Variants in SRPK2 observed in about 807,000 individuals in gnomAD.
The protein encoded by SRPK2 is SRSF protein kinase 2.
SRPK2 carries 21 observed loss-of-function variants against 90.8 expected under a neutral mutation model. That is an observed-to-expected ratio of 0.23 (90% CI 0.16 to 0.33). The LOEUF (loss-of-function observed/expected upper bound fraction) is 0.33. SRPK2 is among the 10% of genes least tolerant of loss of function. SRPK2 has a pLI of 1.00. For missense variants in SRPK2, 620 were observed against 869.0 expected (o/e 0.71, Z 3.60); for synonymous variants, 288 against 311.1 (o/e 0.93, Z 0.78).
intron 2 of SRPK2, among the ~76,000 whole-genome samples, chr7:105,384,988 T>C (rs1232166210): frequency 1.2e-4 from 17 of 141,698 alleles, no homozygotes; most frequent in Middle Eastern, 4.2e-3. Context: ...GCCATTCTCC[T>C]GCCTCAGCCT....
chr7:105,303,540 TAAAAG>T (rs978363193), intron 2 of SRPK2, among the ~76,000 whole-genome samples: 2 of 151,928 alleles, frequency 1.3e-5, no homozygotes, highest in African/African-American at 4.8e-5. Flanking sequence ...TTTATGGAAA[TAAAAG>T]GGAAGAGCTC....
intron 2 of SRPK2, among the ~76,000 whole-genome samples, chr7:105,364,396 G>A (rs1818778791): frequency 1.6e-5 from 2 of 127,322 alleles, no homozygotes; most frequent in South Asian, 5.4e-4. Context: ...ATAGCATACC[G>A]TGTGTAACGT....
At chr7:105,248,846 A>G (rs1399927845) in intron 2 of SRPK2, among the ~76,000 whole-genome samples, 1 of 151,662 alleles carries the variant, frequency 6.6e-6, no homozygotes, top group East Asian at 1.9e-4. Flanking sequence ...GAACGGCGTG[A>G]ACCCGGGAGG....
chr7:105,243,689 T>C (rs931357673), intron 2 of SRPK2, among the ~76,000 whole-genome samples: 11 of 150,982 alleles, frequency 7.3e-5, no homozygotes, highest in African/African-American at 2.7e-4. Flanking sequence ...ACGGTAAATT[T>C]AGGGCTGTGA....
rs77974381 is a variant in SRPK2 at position 105,246,358 on chromosome 7, C to T, written c.72-42573G>A. 1.6e-3 allele frequency among the ~76,000 whole-genome samples: 248 copies of T among 152,168 alleles called. 1 individual carries two copies. Among genetic ancestry groups the T allele is most frequent in the African/African-American group, 5.6e-3 (234 of 41,518 alleles). ...AGGCCATATGATCTATCTTTCATTA[C>T]GGTCAGGAAAGATTAGACAAGATAA... On this transcript the variant is annotated intron_variant, in intron 2 of 15. Transcript: ENST00000393651.
chr7:105,222,806 A>C (rs932547220), intron 2 of SRPK2, among the ~76,000 whole-genome samples: 18 of 152,222 alleles, frequency 1.2e-4, no homozygotes, highest in Non-Finnish European at 2.5e-4. Flanking sequence ...ATGAAGAAGA[A>C]TGATATGGCC....
At chr7:105,158,803 T>G (rs1584990741) in intron 7 of SRPK2, among the ~76,000 whole-genome samples, 1 of 150,490 alleles carries the variant, frequency 6.6e-6, no homozygotes, top group South Asian at 2.1e-4. Flanking sequence ...TTTTTTTGTG[T>G]TTTTTTGTGT....
intron 6 of SRPK2, among the ~76,000 whole-genome samples, chr7:105,165,739 A>G (rs181699432): frequency 2.0e-5 from 3 of 152,344 alleles, no homozygotes; most frequent in African/African-American, 7.2e-5. Context: ...AAATGAGGGA[A>G]TAAAAGCTGG....
intron 1 of SRPK2, among the ~76,000 whole-genome samples, chr7:105,397,314 C>A (rs951156938): frequency 6.6e-6 from 1 of 150,406 alleles, no homozygotes; most frequent in African/African-American, 2.4e-5. Context: ...CCATGCCCGA[C>A]CCCCTTGAGT....
chr7:105,261,032 A>AAAAC (rs1804181051), intron 2 of SRPK2, among the ~76,000 whole-genome samples: 1 of 151,484 alleles, frequency 6.6e-6, no homozygotes, highest in Non-Finnish European at 1.5e-5. Flanking sequence ...TAAAAAAAAA[A>AAAAC]AAAAAAAAAA....
chr7:105,310,317 G>A (rs149568574), intron 2 of SRPK2, among the ~76,000 whole-genome samples: 111 of 152,262 alleles, frequency 7.3e-4, no homozygotes, highest in Middle Eastern at 3.4e-3. Flanking sequence ...AACGCAGCAA[G>A]GCTAGTAAAT....
intron 7 of SRPK2, 147 bp from the exon 8 acceptor site, chr7:105,146,805 C>A: frequency 1.3e-6 from 1 of 795,662 alleles, no homozygotes; most frequent in South Asian, 1.8e-5. Context: ...CCTCCCATGC[C>A]TACCCACATT....
chr7:105,215,831 G>T (rs565441745), intron 2 of SRPK2, among the ~76,000 whole-genome samples: 40 of 152,242 alleles, frequency 2.6e-4, no homozygotes, highest in African/African-American at 9.2e-4. Context: ...AAGGCTGGAG[G>T]GGTACAGAAA....
Position 105,327,735 on chromosome 7 carries a change from G to C in SRPK2, c.71+60913C>G, listed in dbSNP as rs560437523. Among the ~76,000 whole-genome samples, 18 of 152,308 alleles carry C rather than the reference G, an allele frequency of 1.2e-4. No individual in the cohort carries two copies. The South Asian group carries it at 2.9e-3, about 25-fold the overall frequency. ...CCCAATATTAGCTGAATGAATGAAA[G>C]AACACAAGATACTTAATACAGATTA... On this transcript the variant is annotated intron_variant, in intron 2 of 15. Transcript: ENST00000393651.
At chr7:105,258,431 A>G (rs1255098886) in intron 2 of SRPK2, among the ~76,000 whole-genome samples, 1 of 151,642 alleles carries the variant, frequency 6.6e-6, no homozygotes, top group East Asian at 1.9e-4. Flanking sequence ...AAAAAAAAAA[A>G]AAAAGAAAGA....
chr7:105,363,797 A>G (rs915640229), intron 2 of SRPK2, among the ~76,000 whole-genome samples: 4 of 152,330 alleles, frequency 2.6e-5, no homozygotes, highest in East Asian at 1.9e-4. Flanking sequence ...ATGTCCATCA[A>G]TGATAGAGTG....
At chr7:105,356,601 A>C (rs764494172) in intron 2 of SRPK2, among the ~76,000 whole-genome samples, 4 of 152,142 alleles carry the variant, frequency 2.6e-5, no homozygotes, top group Non-Finnish European at 5.9e-5. Context: ...AACCCATGAA[A>C]TTTGATAGTT....
chr7:105,203,869 G>T, intron 2 of SRPK2, 84 bp from the exon 3 acceptor site: 1 of 1,469,652 alleles, frequency 6.8e-7, no homozygotes. Flanking sequence ...TAATATGGGG[G>T]AAAAAATAAA....
chr7:105,348,068 CTTTTTTTTTT>C (rs770159031), intron 2 of SRPK2, among the ~76,000 whole-genome samples: 1 of 80,998 alleles, frequency 1.2e-5, no homozygotes, highest in Non-Finnish European at 2.2e-5. Flanking sequence ...GCTTGGCAAA[CTTTTTTTTTT>C]TTTTTTTTTT....
Sources: gnomAD v4.1 joint callset for allele counts (sites outside exome capture counted in the v4.1 genomes callset) on GRCh38, gnomAD v4.1.1 for gene constraint, MANE v1.5 for transcripts, NCBI Gene and HGNC (gene_info 2026-07-23, HGNC 2026-07-21) for gene names.